RUFY3: variants seen among roughly 807,000 people sequenced by gnomAD.
The protein encoded by RUFY3 is RUN and FYVE domain containing 3, also known as protein RUFY3.
A neutral mutation model predicts 84.0 loss-of-function variants in RUFY3; 34 were observed. That is an observed-to-expected ratio of 0.40 (90% CI 0.31 to 0.54). The LOEUF (loss-of-function observed/expected upper bound fraction) is 0.54, where lower values mean the gene tolerates loss of function less well. RUFY3 is among the 20% of genes least tolerant of loss of function. The pLI, the probability that RUFY3 is intolerant of heterozygous loss-of-function variation, is 0.39. For missense variants in RUFY3, 507 were observed against 736.8 expected, an observed-to-expected ratio of 0.69 and a Z score of 3.61; for synonymous variants, 242 against 252.9, an observed-to-expected ratio of 0.96 and a Z score of 0.41.
At chr4:70,736,474 C>T (rs1720319755) in intron 1 of RUFY3, among the ~76,000 whole-genome samples, 1 of 152,212 alleles carries the variant, frequency 6.6e-6, no homozygotes, top group Non-Finnish European at 1.5e-5. Context: ...GTGTGACCTG[C>T]CTTTTTTCCT....
intron 1 of RUFY3, among the ~76,000 whole-genome samples, chr4:70,742,999 A>G (rs1003671889): frequency 1.3e-5 from 2 of 152,244 alleles, no homozygotes; most frequent in Non-Finnish European, 2.9e-5. Context: ...ACAAGAAAAA[A>G]GAGAAGGATG....
In RUFY3 at chr4:70,724,001, T is replaced by G. The variant is rs557557459; in HGVS notation, c.178+1250T>G. Among the ~76,000 whole-genome samples the G allele has an allele frequency of 1.4e-3, 215 of 152,336 alleles. 4 individuals carry two copies. The highest frequency in any genetic ancestry group is 5.0e-3 in the African/African-American group (208 of 41,574). ...CTTTAAGAACAATGTTTAAGTGGTT[T>G]TTAAGACCCTTTGCATCTTTTAACA... On this transcript the variant is annotated intron_variant, in intron 1 of 17. Transcript: ENST00000381006.
intron 1 of RUFY3, among the ~76,000 whole-genome samples, chr4:70,733,137 GGAGAGAGAGA>G (rs778346957): frequency 1.2e-4 from 10 of 86,634 alleles, no homozygotes; most frequent in East Asian, 4.2e-4. Flanking sequence ...AGGGAGGGAG[GGAGAGAGAGA>G]GAGAGAGAGA....
chr4:70,792,453 C>G (rs1730971363), intron 12 of RUFY3: 1 of 984,912 alleles, frequency 1.0e-6, no homozygotes, highest in Non-Finnish European at 1.2e-6. Context: ...TCTAAGTGAC[C>G]ACAGACTAAC....
intron 1 of RUFY3, among the ~76,000 whole-genome samples, chr4:70,758,840 C>A (rs558545888): frequency 3.3e-5 from 5 of 151,986 alleles, no homozygotes; most frequent in African/African-American, 1.2e-4. Context: ...GAGATCAAGA[C>A]CATCCTGGTT....
intron 1 of RUFY3, among the ~76,000 whole-genome samples, chr4:70,733,119 AGGGAGGGAGG>A (rs1719661217): frequency 1.7e-5 from 1 of 58,670 alleles, no homozygotes; most frequent in Non-Finnish European, 3.2e-5. Context: ...AGAGAGAGAG[AGGGAGGGAGG>A]GAGGGAGGGA....
chr4:70,779,601 T>C (rs1199903454), intron 8 of RUFY3, among the ~76,000 whole-genome samples: 1 of 150,832 alleles, frequency 6.6e-6, no homozygotes, highest in East Asian at 1.9e-4. Flanking sequence ...TTTTTTTTTT[T>C]CTGAGATAGG....
At chr4:70,748,602 C>T (rs983932179) in intron 1 of RUFY3, among the ~76,000 whole-genome samples, 1 of 152,138 alleles carries the variant, frequency 6.6e-6, no homozygotes, top group African/African-American at 2.4e-5. Flanking sequence ...CACAAGACTC[C>T]TAGGTCAGAG....
intron 11 of RUFY3, 120 bp downstream of exon 11, chr4:70,789,093 G>C (rs1464354802): frequency 6.9e-7 from 1 of 1,441,262 alleles, no homozygotes; most frequent in African/African-American, 1.4e-5. Context: ...ATCTCATTTT[G>C]ATGCTAGCTG....
chr4:70,794,670 C>G (rs748690084), intron 13 of RUFY3, 125 bp from the exon 14 acceptor site: 1 of 683,418 alleles, frequency 1.5e-6, no homozygotes, highest in African/African-American at 1.8e-5. Flanking sequence ...AAACCTGTCT[C>G]TCTGACAGCA....
intron 5 of RUFY3, among the ~76,000 whole-genome samples, chr4:70,772,864 T>C (rs991858619): frequency 6.6e-6 from 1 of 152,198 alleles, no homozygotes; most frequent in Non-Finnish European, 1.5e-5. Flanking sequence ...TTTCTCCATG[T>C]TGTTCAGTCT....
At chr4:70,754,403 G>T (rs984306035) in intron 1 of RUFY3, among the ~76,000 whole-genome samples, 3 of 151,980 alleles carry the variant, frequency 2.0e-5, no homozygotes, top group Non-Finnish European at 2.9e-5. Flanking sequence ...CAGAGAAAAT[G>T]TTACTTAAGT....
At position 70,716,665 on chromosome 4, in the gene RUFY3, G is replaced by A. The variant is rs550692940; in HGVS notation, c.358+11371G>A. 2.5e-4 allele frequency among the ~76,000 whole-genome samples: 38 copies of A among 151,764 alleles called. No homozygotes were observed. In the South Asian group the frequency reaches 7.6e-3, roughly 30 times the overall value. ...TCAAGACCAGCCTGGCCAAGATGGTGAAACCCCATCTCTACTAAAAATACA... is the reference window on the plus strand; with the variant it reads ...TCAAGACCAGCCTGGCCAAGATGGTAAAACCCCATCTCTACTAAAAATACA... On this transcript the variant is annotated intron_variant, in intron 1 of 11. Coordinates refer to the RUFY3 transcript ENST00000417478.
chr4:70,711,382 G>C (rs1334909627), intron 1 of RUFY3, among the ~76,000 whole-genome samples: 9 of 152,090 alleles, frequency 5.9e-5, no homozygotes, highest in African/African-American at 2.2e-4. Context: ...GAGGGAAATG[G>C]TCAAACTTTC....
chr4:70,767,146 C>T (rs1262112053), intron 4 of RUFY3, among the ~76,000 whole-genome samples: 2 of 151,756 alleles, frequency 1.3e-5, no homozygotes, highest in Non-Finnish European at 2.9e-5. Context: ...AGTGCAGTGG[C>T]ACGATCTCAG....
At chr4:70,764,124 T>C (rs1382319219) in intron 3 of RUFY3, among the ~76,000 whole-genome samples, 2 of 152,214 alleles carry the variant, frequency 1.3e-5, no homozygotes, top group African/African-American at 4.8e-5. Flanking sequence ...GACAGAGGCC[T>C]AGATTGCCTG....
At chr4:70,797,256 A>C (rs1731641763) in intron 14 of RUFY3, among the ~76,000 whole-genome samples, 1 of 152,024 alleles carries the variant, frequency 6.6e-6, no homozygotes, top group African/African-American at 2.4e-5. Flanking sequence ...GGTTCTTTTC[A>C]AACTGATGTC....
intron 1 of RUFY3, among the ~76,000 whole-genome samples, chr4:70,723,135 CTATAAT>C (rs1246858868): frequency 1.3e-5 from 2 of 152,078 alleles, no homozygotes; most frequent in African/African-American, 4.8e-5. Flanking sequence ...GACAACATGA[CTATAAT>C]TATAGGATTG....
chr4:70,780,880 C>G (rs1009254229), intron 8 of RUFY3, among the ~76,000 whole-genome samples: 2 of 152,112 alleles, frequency 1.3e-5, no homozygotes, highest in South Asian at 2.1e-4. Flanking sequence ...CACTTATTTT[C>G]TTAAAGAAAA....
Sources: gnomAD v4.1 joint callset for allele counts (sites outside exome capture counted in the v4.1 genomes callset) on GRCh38, gnomAD v4.1.1 for gene constraint, MANE v1.5 for transcripts, NCBI Gene and HGNC (gene_info 2026-07-23, HGNC 2026-07-21) for gene names.